Variants in CLDN11 observed in about 807,000 individuals in gnomAD.
The protein encoded by CLDN11 is claudin 11, also known as claudin-11.
Under a neutral mutation model 18.0 loss-of-function variants are expected in CLDN11, and 1 was observed. The observed-to-expected ratio is 0.06, with a 90% CI of 0.02 to 0.26. The LOEUF is 0.26. Ranked by LOEUF, CLDN11 falls within the 10% of genes least tolerant of loss-of-function variation. CLDN11 has a pLI of 1.00. For synonymous variants in CLDN11, 116 were observed against 121.5 expected (o/e 0.96, Z 0.30); for missense variants, 172 against 276.6 (o/e 0.62, Z 2.68).
chr3:170,419,072 G>A lies in CLDN11; in HGVS notation c.6G>A (p.Val2=). 1 of 1,549,916 alleles carries A rather than the reference G, an allele frequency of 6.5e-7. No individual in the cohort carries two copies. The change falls in exon 1 of 3, where the codon GTG becomes GTA. Residue 2 remains valine, a synonymous_variant. Transcript: ENST00000064724. The surrounding 1 kb of genome is among the most constrained non-coding windows in gnomAD (Gnocchi z 8.6). M[V]ATCLQVVGFV... ...GGGACATCCTGGCGGCCACCATGGT[G>A]GCCACGTGCCTGCAGGTGGTGGGCT...
Position 170,434,343 on chromosome 3 carries a change from A to G in CLDN11, c.*1587A>G, listed in dbSNP as rs77575392. ...GTGGGGTGACTTTATGGCATCTTTA[A>G]TCATCGATCAATGGGCAGCAATCAG... On this transcript the variant is annotated 3_prime_UTR_variant, in exon 3 of 3. Coordinates refer to ENST00000064724, the MANE Select transcript of CLDN11 (RefSeq NM_005602.6). Among the ~76,000 whole-genome samples, 2,936 of 152,316 alleles carry G rather than the reference A, an allele frequency of 0.019. 58 individuals are homozygous for G. The highest frequency in any genetic ancestry group is 0.081 in the East Asian group (418 of 5,188).
chr3:170,432,239 A>G (rs1419339294), intron 2 of CLDN11, among the ~76,000 whole-genome samples: 3 of 152,248 alleles, frequency 2.0e-5, no homozygotes, highest in Non-Finnish European at 4.4e-5. Context: ...ACAAGTAAAT[A>G]CAAATAAATA....
rs1182345950 is a variant in CLDN11 at position 170,434,681 on chromosome 3, A to G, written c.*1925A>G. Among the ~76,000 whole-genome samples, 4 of 152,238 alleles carry G rather than the reference A, an allele frequency of 2.6e-5. No homozygotes were observed. Among genetic ancestry groups the G allele is most frequent in the African/African-American group, 9.6e-5 (4 of 41,462 alleles). ...TTTCAAATAAAATACTAATTTCATTAGCTGATAGTATAGTAATTGGCAAAC... is the reference window on the plus strand; with the variant it reads ...TTTCAAATAAAATACTAATTTCATTGGCTGATAGTATAGTAATTGGCAAAC... On this transcript the variant is annotated 3_prime_UTR_variant, in exon 3 of 3. Transcript: ENST00000064724.
chr3:170,423,056 C>A, intron 1 of CLDN11, 107 bp from the exon 2 acceptor site: 1 of 1,209,154 alleles, frequency 8.3e-7, no homozygotes, highest in Non-Finnish European at 1.2e-6. Flanking sequence ...GTCCTGGAAT[C>A]CACCAAGAAG....
At chr3:170,425,323 A>G (rs1291108369) in intron 2 of CLDN11, among the ~76,000 whole-genome samples, 1 of 152,186 alleles carries the variant, frequency 6.6e-6, no homozygotes, top group Non-Finnish European at 1.5e-5. Context: ...TTGAGTGCTC[A>G]TGTTTAGAAA....
intron 2 of CLDN11, 43 bp from the exon 3 acceptor site, chr3:170,432,481 T>C (rs372680458): frequency 1.8e-5 from 29 of 1,607,444 alleles, no homozygotes; most frequent in Non-Finnish European, 2.2e-5. Flanking sequence ...GTGCTTGGTG[T>C]GTGATGGTTG....
intron 2 of CLDN11, 66 bp from the exon 3 acceptor site, chr3:170,432,458 T>C: frequency 6.2e-7 from 1 of 1,601,360 alleles, no homozygotes; most frequent in Non-Finnish European, 8.5e-7. Flanking sequence ...GTGGAGTGAG[T>C]GGGCCTGCCC....
At chr3:170,424,033 A>G (rs1459809820) in intron 2 of CLDN11, among the ~76,000 whole-genome samples, 2 of 149,002 alleles carry the variant, frequency 1.3e-5, no homozygotes, top group Non-Finnish European at 3.0e-5. Context: ...CAAAAAAAAA[A>G]AAAAAGAAAA....
In CLDN11 at chr3:170,423,262, G is replaced by T; in HGVS notation, c.326G>T (p.Gly109Val). The change falls in exon 2 of 3, where the codon GGC becomes GTC. Residue 109 changes from glycine to valine, a missense_variant. By Grantham distance (109) the Gly-to-Val change is moderately radical (BLOSUM62 -3). This residue lies in a region of CLDN11 where 161 missense variants were observed against 240.3 expected (regional missense o/e 0.67). Transcript: ENST00000064724. Reference protein sequence around the residue: ...LLTVLPCIRMGQEPGVAKYRR... With the variant: ...LLTVLPCIRMVQEPGVAKYRR... ...ACTGTTCTTCCCTGCATCCGGATGGGCCAGGAGCCCGGTGTGGCTAAGTAC... is the reference window on the plus strand; with the variant it reads ...ACTGTTCTTCCCTGCATCCGGATGGTCCAGGAGCCCGGTGTGGCTAAGTAC... 1 of 1,614,142 alleles carries T rather than the reference G, an allele frequency of 6.2e-7. No individual in the cohort carries two copies. The highest frequency in any genetic ancestry group is 8.5e-7 in the Non-Finnish European group (1 of 1,180,038).
At position 170,433,006 on chromosome 3, in the gene CLDN11, C is replaced by A. The variant is rs1739040687; in HGVS notation, c.*250C>A. 1 of 357,292 alleles carries A rather than the reference C, an allele frequency of 2.8e-6. No homozygotes were observed. The allele number at this position is 357,292 out of a possible 1,614,324, so 22.1% of individuals were successfully genotyped here. Reference sequence around the variant, plus strand: ...TCCCTTGGTGTTGCCCCTATTAGCTCTTTTCTTGGGCATTCTTTTGCTGTT... The same window carrying A: ...TCCCTTGGTGTTGCCCCTATTAGCTATTTTCTTGGGCATTCTTTTGCTGTT... On this transcript the variant is annotated 3_prime_UTR_variant, in exon 3 of 3. Coordinates refer to ENST00000064724, the MANE Select transcript of CLDN11 (RefSeq NM_005602.6).
chr3:170,423,152 C>T lies in CLDN11; in HGVS notation c.227-11C>T, dbSNP rs1297780432. Reference sequence around the variant, plus strand: ...TGGTCTAACCTTTCCCATCTGCTCTCTTGTTCCCAGGCTACGTGCAGGCCT... The same window carrying T: ...TGGTCTAACCTTTCCCATCTGCTCTTTTGTTCCCAGGCTACGTGCAGGCCT... On this transcript the variant is annotated splice_polypyrimidine_tract_variant and intron_variant, in intron 1 of 2. Coordinates refer to ENST00000064724, the MANE Select transcript of CLDN11 (RefSeq NM_005602.6). 9.3e-6 allele frequency: 15 copies of T among 1,614,098 alleles called. No individual in the cohort carries two copies. The highest frequency in any genetic ancestry group is 6.7e-5 in the East Asian group (3 of 44,892).
chr3:170,432,377 T>C, intron 2 of CLDN11, 147 bp from the exon 3 acceptor site: 1 of 1,397,646 alleles, frequency 7.2e-7, no homozygotes, highest in Non-Finnish European at 9.5e-7. Flanking sequence ...ACATATTGGT[T>C]CAGTGTTGAG....
chr3:170,421,270 C>T (rs73163838), intron 1 of CLDN11: 1 of 985,812 alleles, frequency 1.0e-6, no homozygotes, highest in Non-Finnish European at 1.2e-6. Flanking sequence ...GGCCTTGGCA[C>T]TGTAGCATGT....
In CLDN11 at chr3:170,419,185, C is replaced by T. The variant is rs767191862; in HGVS notation, c.119C>T (p.Thr40Ile). ...GTGACCTGCGGCTACACCATCCCCACCTGCCGCAAGCTGGATGAGCTGGGC... is the reference window on the plus strand; with the variant it reads ...GTGACCTGCGGCTACACCATCCCCATCTGCCGCAAGCTGGATGAGCTGGGC... The part of the protein sequence containing the change: ...WVVTCGYTIP[T>I]CRKLDELGSK... Residue 40 changes from threonine to isoleucine, a missense_variant, in exon 1 of 3, where the codon ACC (threonine) becomes ATC (isoleucine). Thr to Ile is a moderately conservative substitution (Grantham distance 89). Around this residue, in one of 3 missense-constraint regions of CLDN11, gnomAD observed 161 missense variants for 240.3 expected, o/e 0.67. Transcript: ENST00000064724. The surrounding 1 kb of genome is among the most constrained non-coding windows in gnomAD (Gnocchi z 8.6). 1.3e-5 allele frequency: 20 copies of T among 1,560,706 alleles called. No homozygotes were observed. The highest frequency in any genetic ancestry group is 1.7e-5 in the Non-Finnish European group (20 of 1,152,666).
intron 2 of CLDN11, among the ~76,000 whole-genome samples, chr3:170,430,119 G>C (rs766628457): frequency 6.6e-6 from 1 of 152,206 alleles, no homozygotes; most frequent in African/African-American, 2.4e-5. Flanking sequence ...TTGAGGTTTA[G>C]GGCTGTGTAA....
rs966656759 is a variant in CLDN11, at chr3:170,419,335, C to G, written c.226+43C>G. 49 of 1,419,346 alleles carry G rather than the reference C, an allele frequency of 3.5e-5. No individual in the cohort carries two copies. The highest frequency in any genetic ancestry group is 3.6e-5 in the Non-Finnish European group (37 of 1,033,336). The allele number at this position is 1,419,346 out of a possible 1,614,324, so 87.9% of individuals were successfully genotyped here. On this transcript the variant is annotated intron_variant, in intron 1 of 2. Transcript: ENST00000064724. This position sits in a 1 kb window ranked among gnomAD's most constrained non-coding sequence, Gnocchi z 8.6. ...GCGGCGGCTCCCAAATCCTTATCCT[C>G]TGGGTAGAGAGCGGGATATTAGACG... is the stretch of plus-strand genomic sequence containing the variant.
chr3:170,421,509 T>A (rs1339126823), intron 1 of CLDN11, among the ~76,000 whole-genome samples: 1 of 152,168 alleles, frequency 6.6e-6, no homozygotes, highest in Non-Finnish European at 1.5e-5. Flanking sequence ...CCTTGTGAAG[T>A]CCGAATTCTG....
chr3:170,423,540 G>A (rs148739760), intron 2 of CLDN11: 11 of 551,740 alleles, frequency 2.0e-5, no homozygotes, highest in Non-Finnish European at 3.5e-5. Flanking sequence ...TGACCATGAA[G>A]ATAAGTTTAA....
intron 2 of CLDN11, among the ~76,000 whole-genome samples, chr3:170,431,258 C>T (rs1407534591): frequency 6.6e-6 from 1 of 152,052 alleles, no homozygotes; most frequent in Non-Finnish European, 1.5e-5. Context: ...AAAAAGCTTG[C>T]TGAGTTGAAA....
Sources: allele counts gnomAD v4.1 joint callset (sites outside exome capture counted in the v4.1 genomes callset), GRCh38; gene constraint gnomAD v4.1.1; regional missense constraint gnomAD v4.1.1; non-coding constraint Gnocchi (gnomAD v3.1); transcripts MANE v1.5; gene names NCBI Gene and HGNC (gene_info 2026-07-23, HGNC 2026-07-21).